BRIP1: variants seen among roughly 807,000 people sequenced by gnomAD.
BRIP1 encodes Fanconi anemia group J protein.
A neutral mutation model predicts 119.7 loss-of-function variants in BRIP1; 88 were observed. That is an observed-to-expected ratio of 0.74 (90% CI 0.62 to 0.88). The LOEUF is 0.88. Among genes scored for constraint, BRIP1 ranks in the 40% least tolerant of loss-of-function variants. The pLI, the probability that BRIP1 is intolerant of heterozygous loss-of-function variation, is 0.00. For synonymous variants in BRIP1, 443 were observed against 496.5 expected, an observed-to-expected ratio of 0.89 and a Z score of 1.43; for missense variants, 1,259 against 1,455.4, an observed-to-expected ratio of 0.87 and a Z score of 2.20.
intron 17 of BRIP1, among the ~76,000 whole-genome samples, chr17:61,712,315 G>C (rs997634283): frequency 4.5e-4 from 69 of 152,018 alleles, no homozygotes; most frequent in African/African-American, 1.6e-3. Flanking sequence ...CCAGGTTCAA[G>C]CAATTCTCCT....
At chr17:61,733,997 T>C (rs2076885357) in intron 16 of BRIP1, among the ~76,000 whole-genome samples, 1 of 152,210 alleles carries the variant, frequency 6.6e-6, no homozygotes, top group Non-Finnish European at 1.5e-5. Flanking sequence ...ACATTTTTCT[T>C]CAGAGAAGTA....
Position 61,744,044 on chromosome 17 carries a change from T to G in BRIP1, c.2257+388A>C, listed in dbSNP as rs1334941810. On this transcript the variant is annotated intron_variant, in intron 15 of 19. Transcript: ENST00000259008. The surrounding 1 kb of genome is among the most constrained non-coding windows in gnomAD (Gnocchi z 5.0). ...TTGGAATTGAGTTTTCAGTTATGTT[T>G]TGAAAATTCAAGTTTACCTTATGTA... is the stretch of plus-strand genomic sequence containing the variant. Among the ~76,000 whole-genome samples the G allele has an allele frequency of 6.6e-6, 1 of 152,208 alleles. No individual in the cohort carries two copies. The highest frequency in any genetic ancestry group is 6.5e-5 in the Admixed American group (1 of 15,272).
chr17:61,829,219 A>C (rs1405514059), intron 6 of BRIP1, among the ~76,000 whole-genome samples: 1 of 152,134 alleles, frequency 6.6e-6, no homozygotes, highest in Non-Finnish European at 1.5e-5. Flanking sequence ...CTAAAGACAC[A>C]AATAGGTTAA....
At chr17:61,773,581 A>G (rs1263082483) in intron 14 of BRIP1, among the ~76,000 whole-genome samples, 2 of 152,120 alleles carry the variant, frequency 1.3e-5, no homozygotes, top group Admixed American at 1.3e-4. Context: ...TAAACTAAAG[A>G]GCTTCAGTAC....
At chr17:61,783,936 A>C (rs1299691757) in intron 11 of BRIP1, 1 of 186,818 alleles carries the variant, frequency 5.4e-6, no homozygotes, top group Admixed American at 5.7e-5. Flanking sequence ...TTAAAAAATT[A>C]GCTGGGTGTG....
rs1353072221 is a variant in BRIP1 at position 61,774,620 on chromosome 17, C to G, written c.2097+1781G>C. Among the ~76,000 whole-genome samples the G allele has an allele frequency of 6.6e-5, 10 of 151,998 alleles. No individual in the cohort carries two copies. The highest frequency in any genetic ancestry group is 1.2e-4 in the Non-Finnish European group (8 of 68,002). ...GAAACTATGAGATAATAAATGTTTA[C>G]TGTTTTAAGCCACAAAAAAATTAAA... On this transcript the variant is annotated intron_variant, in intron 14 of 19. Transcript: ENST00000259008. The surrounding 1 kb of genome is among the most constrained non-coding windows in gnomAD (Gnocchi z 5.8).
intron 10 of BRIP1, among the ~76,000 whole-genome samples, chr17:61,786,928 TATATA>T (rs1211784050): frequency 5.0e-5 from 2 of 40,138 alleles, no homozygotes; most frequent in East Asian, 1.7e-3. Flanking sequence ...AATATATATT[TATATA>T]TAATATATTT....
At chr17:61,750,913 C>G (rs2144756150) in intron 14 of BRIP1, among the ~76,000 whole-genome samples, 1 of 152,296 alleles carries the variant, frequency 6.6e-6, no homozygotes, top group African/African-American at 2.4e-5. Flanking sequence ...CTGAGGAAAA[C>G]AGTCTGGCAG....
chr17:61,706,633 C>T lies in BRIP1; in HGVS notation c.2492+9318G>A, dbSNP rs1013208873. ...CTTGGTTTTTGAACTTTAGAACTTA[C>T]GTACTGATTCTCTCCTGTGGAAGAT... On this transcript the variant is annotated intron_variant, in intron 17 of 19. Transcript: ENST00000259008. The surrounding 1 kb of genome is among the most constrained non-coding windows in gnomAD (Gnocchi z 5.7). 5.3e-5 allele frequency among the ~76,000 whole-genome samples: 8 copies of T among 152,064 alleles called. No homozygotes were observed. The highest frequency in any genetic ancestry group is 1.3e-4 in the Admixed American group (2 of 15,266).
intron 6 of BRIP1, among the ~76,000 whole-genome samples, chr17:61,839,318 A>G (rs1001576494): frequency 1.3e-5 from 2 of 152,016 alleles, no homozygotes; most frequent in Non-Finnish European, 2.9e-5. Flanking sequence ...TATTTCTATT[A>G]TAAGTACTTA....
Position 61,861,489 on chromosome 17 carries a change from A to G in BRIP1, c.51T>C (p.Phe17=), listed in dbSNP as rs762827371. 6.2e-7 allele frequency: 1 copy of G among 1,613,590 alleles called. No individual in the cohort carries two copies. Among genetic ancestry groups the G allele is most frequent in the African/African-American group, 1.3e-5 (1 of 75,014 alleles). The change falls in exon 2 of 20, where the codon TTT becomes TTC. Residue 17 remains phenylalanine, a synonymous_variant. Transcript: ENST00000259008. This position sits in a 1 kb window ranked among gnomAD's most constrained non-coding sequence, Gnocchi z 4.5. ...GCTGTGACGGGTAAGCTTTATAAGGAAAGTAAATCTTCACCCCACCAATTG... is the reference window on the plus strand; with the variant it reads ...GCTGTGACGGGTAAGCTTTATAAGGGAAGTAAATCTTCACCCCACCAATTG... ...EYTIGGVKIY[F]PYKAYPSQLA...
At chr17:61,765,392 TA>T (rs1567798773) in intron 14 of BRIP1, among the ~76,000 whole-genome samples, 10 of 15,416 alleles carry the variant, frequency 6.5e-4, no homozygotes, top group Non-Finnish European at 1.1e-3. Context: ...TATATATATA[TA>T]TATATATATA....
Position 61,804,729 on chromosome 17 carries a change from T to A in BRIP1, c.919-3255A>T, listed in dbSNP as rs2078048083. Among the ~76,000 whole-genome samples, 1 of 151,816 alleles carries A rather than the reference T, an allele frequency of 6.6e-6. No individual in the cohort carries two copies. Among genetic ancestry groups the A allele is most frequent in the African/African-American group, 2.4e-5 (1 of 41,376 alleles). On this transcript the variant is annotated intron_variant, in intron 7 of 19. Coordinates refer to ENST00000259008, the MANE Select transcript of BRIP1 (RefSeq NM_032043.3). The surrounding 1 kb of genome is among the most constrained non-coding windows in gnomAD (Gnocchi z 4.5). ...TAATAATTTCCCCATATATATATAT[T>A]CAAAATATTTTTGTCTAATAATTAT...
rs1357436203 is a variant in BRIP1, at chr17:61,770,976, GC to G, written c.2097+5424del. On this transcript the variant is annotated intron_variant, in intron 14 of 19. Transcript: ENST00000259008. This position sits in a 1 kb window ranked among gnomAD's most constrained non-coding sequence, Gnocchi z 4.7. The stretch of plus-strand genomic sequence containing the variant: ...ATGGAGTAAACACTCAAGTTAAAAG[GC>G]AGAGATAAGCAGAATGAATTTTTCA... Among the ~76,000 whole-genome samples the G allele has an allele frequency of 6.6e-6, 1 of 152,146 alleles. No homozygotes were observed. The highest frequency in any genetic ancestry group is 2.4e-5 in the African/African-American group (1 of 41,440).
In BRIP1 at chr17:61,725,226, T is replaced by C. The variant is rs1486107700; in HGVS notation, c.2380-9163A>G. ...AGCCAGGCTCCCTTTTAAATAAGAA[T>C]AATAATGATAAAAGCACATTAGAAA... is the stretch of plus-strand genomic sequence containing the variant. On this transcript the variant is annotated intron_variant, in intron 16 of 19. Coordinates refer to ENST00000259008, the MANE Select transcript of BRIP1 (RefSeq NM_032043.3). This position sits in a 1 kb window ranked among gnomAD's most constrained non-coding sequence, Gnocchi z 5.3. Among the ~76,000 whole-genome samples, 1 of 152,154 alleles carries C rather than the reference T, an allele frequency of 6.6e-6. No homozygotes were observed. Among genetic ancestry groups the C allele is most frequent in the Non-Finnish European group, 1.5e-5 (1 of 68,016 alleles).
Position 61,843,987 on chromosome 17 carries a change from C to T in BRIP1, c.627+3114G>A, listed in dbSNP as rs1048192306. Among the ~76,000 whole-genome samples the T allele has an allele frequency of 1.3e-5, 2 of 151,672 alleles. No individual in the cohort carries two copies. Among genetic ancestry groups the T allele is most frequent in the Non-Finnish European group, 2.9e-5 (2 of 67,952 alleles). ...TCACCCAGACTGGAGTACAGTGGTT[C>T]AATCATAGTTCAATACAGCCTCAAT... is the stretch of plus-strand genomic sequence containing the variant. On this transcript the variant is annotated intron_variant, in intron 6 of 19. Coordinates refer to ENST00000259008, the MANE Select transcript of BRIP1 (RefSeq NM_032043.3). The surrounding 1 kb of genome is among the most constrained non-coding windows in gnomAD (Gnocchi z 5.7).
rs878855148 is a variant in BRIP1, at chr17:61,685,987, G to A, written c.2754C>T (p.Thr918=). ...TTGCTGCTTCCAGTAAATAAGGTGA[G>A]GTACTGTACTTTAAAGAGGTCACTT... is the stretch of plus-strand genomic sequence containing the variant. ...TLEVTSLKYS[T]SPYLLEAASH... is the part of the protein sequence containing the mutation. The change falls in exon 19 of 20, where the codon ACC becomes ACT. Residue 918 remains threonine, a synonymous_variant. Transcript: ENST00000259008. The A allele has an allele frequency of 6.2e-7, 1 of 1,613,912 alleles. No individual in the cohort carries two copies. Among genetic ancestry groups the A allele is most frequent in the Non-Finnish European group, 8.5e-7 (1 of 1,179,890 alleles).
At chr17:61,859,024 A>G (rs2078936729) in intron 3 of BRIP1, among the ~76,000 whole-genome samples, 1 of 146,768 alleles carries the variant, frequency 6.8e-6, no homozygotes, top group African/African-American at 2.5e-5. Flanking sequence ...TCACATCACT[A>G]TGCTCCATCC....
intron 11 of BRIP1, among the ~76,000 whole-genome samples, chr17:61,782,012 T>C (rs576047425): frequency 1.3e-5 from 2 of 151,818 alleles, no homozygotes; most frequent in Non-Finnish European, 2.9e-5. Flanking sequence ...AGATTAGATC[T>C]CAAAATTAAA....
Sources: gnomAD v4.1 joint callset for allele counts (sites outside exome capture counted in the v4.1 genomes callset) on GRCh38, gnomAD v4.1.1 for gene constraint, Gnocchi (gnomAD v3.1) non-coding constraint, MANE v1.5 for transcripts, NCBI Gene and HGNC (gene_info 2026-07-23, HGNC 2026-07-21) for gene names.